CAMK1D: variants seen among roughly 807,000 people sequenced by gnomAD.
CAMK1D encodes the protein calcium/calmodulin dependent protein kinase ID.
Under a neutral mutation model 47.7 loss-of-function variants are expected in CAMK1D, and 9 were observed. That is an observed-to-expected ratio of 0.19 (90% confidence interval 0.11 to 0.33). CAMK1D has a LOEUF of 0.33. Ranked by LOEUF, CAMK1D falls within the 10% of genes least tolerant of loss-of-function variation. The pLI, the probability that CAMK1D is intolerant of heterozygous loss-of-function variation, is 1.00. For missense variants in CAMK1D, 291 were observed against 488.7 expected (o/e 0.60, Z 3.81); for synonymous variants, 184 against 184.9 (o/e 0.99, Z 0.04).
At chr10:12,651,238 A>C (rs1314934515) in intron 2 of CAMK1D, among the ~76,000 whole-genome samples, 1 of 152,176 alleles carries the variant, frequency 6.6e-6, no homozygotes, top group Non-Finnish European at 1.5e-5. Context: ...TAGCAACTCA[A>C]ACACTGTGGG....
chr10:12,694,068 TATAAAAA>T (rs1193754165), intron 3 of CAMK1D, among the ~76,000 whole-genome samples: 1 of 61,782 alleles, frequency 1.6e-5, no homozygotes, highest in South Asian at 5.4e-4. Context: ...ATATATAATA[TATAAAAA>T]ATATTATGTA....
intron 1 of CAMK1D, among the ~76,000 whole-genome samples, chr10:12,485,308 TGG>T (rs2132107574): frequency 6.6e-6 from 1 of 152,312 alleles, no homozygotes; most frequent in African/African-American, 2.4e-5. Context: ...AGAAGGACTG[TGG>T]CCAGTGGTGG....
At chr10:12,383,811 T>C (rs1022465862) in intron 1 of CAMK1D, among the ~76,000 whole-genome samples, 1 of 152,150 alleles carries the variant, frequency 6.6e-6, no homozygotes, top group Non-Finnish European at 1.5e-5. Flanking sequence ...GACACAAGAG[T>C]GTCTGCTCTC....
chr10:12,514,922 C>T (rs566196753), intron 1 of CAMK1D, among the ~76,000 whole-genome samples: 2 of 152,362 alleles, frequency 1.3e-5, no homozygotes, highest in East Asian at 1.9e-4. Context: ...ATAATCTTGG[C>T]TCACTGCAGC....
intron 2 of CAMK1D, among the ~76,000 whole-genome samples, chr10:12,648,137 T>C (rs552266866): frequency 1.3e-5 from 2 of 152,338 alleles, no homozygotes; most frequent in South Asian, 2.1e-4. Context: ...AAAAAAGCTA[T>C]TTTTTATAGA....
chr10:12,451,109 C>T (rs1242605864), intron 1 of CAMK1D, among the ~76,000 whole-genome samples: 1 of 152,202 alleles, frequency 6.6e-6, no homozygotes, highest in Non-Finnish European at 1.5e-5. Flanking sequence ...GCTGAGGGGC[C>T]AGGCAGGTGG....
At chr10:12,683,169 C>T (rs530609201) in intron 3 of CAMK1D, among the ~76,000 whole-genome samples, 59 of 151,906 alleles carry the variant, frequency 3.9e-4, no homozygotes, top group Non-Finnish European at 6.3e-4. Context: ...TCACCACAAC[C>T]TCCGCCTCCC....
At chr10:12,458,413 A>AT (rs529324046) in intron 1 of CAMK1D, among the ~76,000 whole-genome samples, 1 of 151,202 alleles carries the variant, frequency 6.6e-6, no homozygotes, top group Non-Finnish European at 1.5e-5. Flanking sequence ...TGCAAACAGT[A>AT]TTTTTTTAAT....
At chr10:12,353,868 A>T (rs560569885) in intron 1 of CAMK1D, among the ~76,000 whole-genome samples, 1 of 152,254 alleles carries the variant, frequency 6.6e-6, no homozygotes, top group South Asian at 2.1e-4. Context: ...CTGTTGGTGT[A>T]TTTGCCAAGG....
intron 3 of CAMK1D, among the ~76,000 whole-genome samples, chr10:12,695,358 G>A (rs1833244782): frequency 6.6e-6 from 1 of 152,034 alleles, no homozygotes; most frequent in Non-Finnish European, 1.5e-5. Context: ...GCTGCACATT[G>A]TGACTTTCCA....
intron 5 of CAMK1D, among the ~76,000 whole-genome samples, chr10:12,790,826 TA>T (rs1048870034): frequency 1.0e-4 from 15 of 150,624 alleles, no homozygotes; most frequent in Admixed American, 8.0e-4. Flanking sequence ...CTTCATCTCT[TA>T]AAAAAAAAGA....
At chr10:12,491,712 C>T (rs74116937) in intron 1 of CAMK1D, among the ~76,000 whole-genome samples, 4,750 of 151,990 alleles carry the variant, frequency 0.031, 266 homozygotes, top group African/African-American at 0.11. Context: ...GGCCGGCCGC[C>T]GATTGCTAAT....
intron 2 of CAMK1D, among the ~76,000 whole-genome samples, chr10:12,663,850 G>A (rs779618848): frequency 5.3e-5 from 8 of 152,038 alleles, no homozygotes; most frequent in Non-Finnish European, 7.4e-5. Flanking sequence ...AAAACTTTAC[G>A]TTCAGATTTT....
intron 3 of CAMK1D, among the ~76,000 whole-genome samples, chr10:12,753,634 C>T (rs1020238456): frequency 2.6e-5 from 4 of 152,206 alleles, no homozygotes; most frequent in South Asian, 4.1e-4. Context: ...CCTGACCACA[C>T]GTGGCTGCCT....
At chr10:12,629,674 A>G (rs1186315841) in intron 2 of CAMK1D, among the ~76,000 whole-genome samples, 1 of 152,232 alleles carries the variant, frequency 6.6e-6, no homozygotes, top group Non-Finnish European at 1.5e-5. Flanking sequence ...CCAAACTGTA[A>G]TTCTCACAAT....
At chr10:12,749,625 C>T (rs1031919041) in intron 3 of CAMK1D, among the ~76,000 whole-genome samples, 1 of 151,428 alleles carries the variant, frequency 6.6e-6, no homozygotes, top group African/African-American at 2.4e-5. Flanking sequence ...GTGGCACAGT[C>T]TCTGCTCACT....
chr10:12,814,346 G>A lies in CAMK1D; in HGVS notation c.754+39G>A, dbSNP rs2482027. ...AGGCAGCTCCCAGTGGGCGGCCCCC[G>A]CGACACTTACACCCAGACCACGTGA... On this transcript the variant is annotated intron_variant, in intron 7 of 10. Coordinates refer to ENST00000619168, the MANE Select transcript of CAMK1D (RefSeq NM_153498.4). 609 of 1,338,964 alleles carry A rather than the reference G, an allele frequency of 4.5e-4. 3 individuals are homozygous for A. The African/African-American group carries it at 7.1e-3, about 16-fold the overall frequency. 82.9% of individuals were successfully genotyped at this position (1,338,964 alleles called of 1,614,324 possible). A position where few individuals can be genotyped will look rare whatever the true frequency, so the allele number is the denominator to read the frequency against.
chr10:12,731,956 T>C (rs2130813842), intron 3 of CAMK1D, among the ~76,000 whole-genome samples: 1 of 152,186 alleles, frequency 6.6e-6, no homozygotes. Context: ...TCAAATACCT[T>C]AGAGATGCTG....
intron 1 of CAMK1D, among the ~76,000 whole-genome samples, chr10:12,363,992 G>C (rs993243129): frequency 6.6e-6 from 1 of 152,054 alleles, no homozygotes; most frequent in African/African-American, 2.4e-5. Flanking sequence ...GGATCAGATG[G>C]TCATTCTGTG....
Sources: allele counts gnomAD v4.1 joint callset (sites outside exome capture counted in the v4.1 genomes callset), GRCh38; gene constraint gnomAD v4.1.1; transcripts MANE v1.5; gene names NCBI Gene and HGNC (gene_info 2026-07-23, HGNC 2026-07-21).